The following VAT1L variants were observed in gnomAD, a reference collection of about 807,000 sequenced individuals.
The protein encoded by VAT1L is putative NADPH-dependent quinone oxidoreductase VAT1L.
Under a neutral mutation model 44.1 loss-of-function variants are expected in VAT1L, and 34 were observed. The observed-to-expected ratio is 0.77, with a 90% CI of 0.59 to 1.03. The LOEUF (loss-of-function observed/expected upper bound fraction) is 1.03, where lower values mean the gene tolerates loss of function less well. Ranked by LOEUF, VAT1L falls within the 50% of genes least tolerant of loss-of-function variation. The pLI is 0.00. For missense variants in VAT1L, 615 were observed against 538.8 expected, an observed-to-expected ratio of 1.14 and a Z score of -1.40; for synonymous variants, 253 against 202.2, an observed-to-expected ratio of 1.25 and a Z score of -2.13.
intron 7 of VAT1L, among the ~76,000 whole-genome samples, chr16:77,968,959 C>T (rs1399451549): frequency 1.3e-5 from 2 of 152,038 alleles, no homozygotes; most frequent in Non-Finnish European, 2.9e-5. Context: ...GCTGGGATTA[C>T]AGGCACCCAC....
chr16:77,797,172 C>T (rs1302210186), intron 1 of VAT1L, among the ~76,000 whole-genome samples: 2 of 151,282 alleles, frequency 1.3e-5, no homozygotes, highest in Non-Finnish European at 1.5e-5. Flanking sequence ...AGTGCAATGG[C>T]GCTATCTTGG....
chr16:77,972,402 C>T (rs2018289660), intron 8 of VAT1L, among the ~76,000 whole-genome samples: 1 of 152,106 alleles, frequency 6.6e-6, no homozygotes, highest in African/African-American at 2.4e-5. Flanking sequence ...CACTGCAGCC[C>T]CCGCCTCCTG....
At chr16:77,890,485 C>T (rs1275982584) in intron 7 of VAT1L, among the ~76,000 whole-genome samples, 1 of 152,160 alleles carries the variant, frequency 6.6e-6, no homozygotes, top group Non-Finnish European at 1.5e-5. Flanking sequence ...CTGAGGCCCA[C>T]TCTGGCCCCA....
At chr16:77,926,154 G>A (rs2017665112) in intron 7 of VAT1L, among the ~76,000 whole-genome samples, 1 of 151,562 alleles carries the variant, frequency 6.6e-6, no homozygotes. Context: ...TCAGGAGGCT[G>A]AGGCAGGAGA....
At chr16:77,964,108 C>T (rs59795640) in intron 7 of VAT1L, among the ~76,000 whole-genome samples, 29,726 of 151,684 alleles carry the variant, frequency 0.2, 3,361 homozygotes, top group East Asian at 0.44. Flanking sequence ...GATTCAGATC[C>T]ACCTGGAGCC....
chr16:77,849,198 A>G (rs2016785226), intron 3 of VAT1L, among the ~76,000 whole-genome samples: 1 of 152,208 alleles, frequency 6.6e-6, no homozygotes, highest in African/African-American at 2.4e-5. Flanking sequence ...ATAACAAAAA[A>G]AAGTAGGTGC....
intron 7 of VAT1L, among the ~76,000 whole-genome samples, chr16:77,943,763 T>G (rs758545023): frequency 6.6e-6 from 1 of 152,142 alleles, no homozygotes; most frequent in African/African-American, 2.4e-5. Flanking sequence ...ACAAGTCACT[T>G]AGCCTCTAAG....
chr16:77,804,703 T>C (rs1472694382), intron 1 of VAT1L, among the ~76,000 whole-genome samples: 7 of 152,150 alleles, frequency 4.6e-5, no homozygotes, highest in Non-Finnish European at 1.0e-4. Flanking sequence ...CCATCTTTTT[T>C]CCTCTCTCTC....
At chr16:77,816,290 AT>A (rs1245366317) in intron 1 of VAT1L, among the ~76,000 whole-genome samples, 2 of 152,168 alleles carry the variant, frequency 1.3e-5, no homozygotes, top group African/African-American at 4.8e-5. Flanking sequence ...TCCCATATCT[AT>A]TGGGGCATTC....
chr16:77,939,845 A>G (rs2017856403), intron 7 of VAT1L, among the ~76,000 whole-genome samples: 1 of 152,226 alleles, frequency 6.6e-6, no homozygotes, highest in African/African-American at 2.4e-5. Flanking sequence ...AACATTTAGC[A>G]GGGCTAGCAC....
At chr16:77,917,614 G>T (rs1393392761) in intron 7 of VAT1L, among the ~76,000 whole-genome samples, 1 of 152,140 alleles carries the variant, frequency 6.6e-6, no homozygotes, top group Non-Finnish European at 1.5e-5. Flanking sequence ...AGTTTACAGG[G>T]CTACAGATAA....
chr16:77,978,195 CA>C lies in VAT1L; in HGVS notation c.*503del, dbSNP rs1353173769. ...TAGGCCGGATGTTTTCATGAGCCCA[CA>C]AATTTAGAAACTCTCCTAGTAGTAC... On this transcript the variant is annotated 3_prime_UTR_variant, in exon 9 of 9. Coordinates refer to ENST00000302536, the MANE Select transcript of VAT1L (RefSeq NM_020927.3). 1.3e-5 allele frequency: 2 copies of C among 155,290 alleles called. No individual in the cohort carries two copies. Among genetic ancestry groups the C allele is most frequent in the African/African-American group, 4.8e-5 (2 of 41,442 alleles). The allele number at this position is 155,290 out of a possible 1,614,324, so 9.6% of individuals were successfully genotyped here. A position where few individuals can be genotyped will look rare whatever the true frequency, so the allele number is the denominator to read the frequency against.
At chr16:77,953,393 G>C (rs2018065982) in intron 7 of VAT1L, among the ~76,000 whole-genome samples, 1 of 152,136 alleles carries the variant, frequency 6.6e-6, no homozygotes, top group Non-Finnish European at 1.5e-5. Context: ...TTTAGCTCAA[G>C]ACTGGGTATG....
intron 1 of VAT1L, among the ~76,000 whole-genome samples, chr16:77,791,109 G>A (rs1257137708): frequency 6.6e-6 from 1 of 152,298 alleles, no homozygotes; most frequent in Non-Finnish European, 1.5e-5. Context: ...ATTGTAATAG[G>A]CTTGTAAATG....
chr16:77,856,841 A>G (rs1395035344), intron 3 of VAT1L, among the ~76,000 whole-genome samples: 1 of 152,220 alleles, frequency 6.6e-6, no homozygotes, highest in African/African-American at 2.4e-5. Flanking sequence ...TGAGAAGATT[A>G]ATAGCAGAGT....
chr16:77,906,081 A>G (rs2017433749), intron 7 of VAT1L, among the ~76,000 whole-genome samples: 1 of 152,154 alleles, frequency 6.6e-6, no homozygotes, highest in South Asian at 2.1e-4. Context: ...GTGTTGAATT[A>G]ATGGTTCTTC....
At chr16:77,888,218 C>A (rs1597084243) in intron 7 of VAT1L, among the ~76,000 whole-genome samples, 1 of 152,180 alleles carries the variant, frequency 6.6e-6, no homozygotes, top group Non-Finnish European at 1.5e-5. Flanking sequence ...ATTTGATACT[C>A]TCCATTGCAT....
At chr16:77,799,908 T>C (rs1249070658) in intron 1 of VAT1L, 2 of 152,184 alleles carry the variant, frequency 1.3e-5, no homozygotes, top group African/African-American at 4.8e-5. Context: ...TGGTGCTTGG[T>C]TCACAGTAGG....
chr16:77,939,891 C>G (rs1244002239), intron 7 of VAT1L, among the ~76,000 whole-genome samples: 1 of 152,060 alleles, frequency 6.6e-6, no homozygotes, highest in Admixed American at 6.6e-5. Flanking sequence ...GTTGGAAAGG[C>G]TTGTTAGTCT....
Sources: gnomAD v4.1 joint callset for allele counts (sites outside exome capture counted in the v4.1 genomes callset) on GRCh38, gnomAD v4.1.1 for gene constraint, MANE v1.5 for transcripts, NCBI Gene and HGNC (gene_info 2026-07-23, HGNC 2026-07-21) for gene names.